RNF8: variants seen among roughly 807,000 people sequenced by gnomAD.
The protein encoded by RNF8 is E3 ubiquitin-protein ligase RNF8.
A neutral mutation model predicts 59.3 loss-of-function variants in RNF8; 8 were observed. The observed-to-expected ratio is 0.13, with a 90% confidence interval of 0.08 to 0.24. The LOEUF is 0.24. Among genes scored for constraint, RNF8 ranks in the 10% least tolerant of loss-of-function variants. The probability of loss-of-function intolerance (pLI) is 1.00; values close to 1 mark genes in which losing one functional copy is unlikely to be tolerated. For missense variants in RNF8, 406 were observed against 572.6 expected, an observed-to-expected ratio of 0.71 and a Z score of 2.97; for synonymous variants, 162 against 200.0, an observed-to-expected ratio of 0.81 and a Z score of 1.60.
intron 7 of RNF8, among the ~76,000 whole-genome samples, chr6:37,387,015 A>T (rs1180117665): frequency 6.6e-6 from 1 of 152,186 alleles, no homozygotes; most frequent in Admixed American, 6.5e-5. Flanking sequence ...GCAAATATAG[A>T]GTAGCGTCAT....
At chr6:37,374,058 G>A (rs1769914271) in intron 4 of RNF8, among the ~76,000 whole-genome samples, 1 of 152,138 alleles carries the variant, frequency 6.6e-6, no homozygotes, top group Non-Finnish European at 1.5e-5. Flanking sequence ...ACACTGGCAG[G>A]GTTCAGGCAG....
intron 2 of RNF8, among the ~76,000 whole-genome samples, chr6:37,364,862 C>T (rs373360282): frequency 3.9e-5 from 6 of 152,148 alleles, no homozygotes; most frequent in African/African-American, 7.2e-5. Flanking sequence ...CTCTGCCTCC[C>T]GGGTTCAAGT....
intron 2 of RNF8, among the ~76,000 whole-genome samples, chr6:37,364,405 G>C (rs1398017410): frequency 6.6e-6 from 1 of 152,074 alleles, no homozygotes; most frequent in Admixed American, 6.5e-5. Flanking sequence ...CCTTATGGTA[G>C]TTACACTAAG....
intron 7 of RNF8, among the ~76,000 whole-genome samples, chr6:37,389,397 A>C (rs1262650417): frequency 6.6e-6 from 1 of 151,904 alleles, no homozygotes; most frequent in Non-Finnish European, 1.5e-5. Context: ...GAAAGAATAG[A>C]TAACTTCTTC....
At position 37,381,130 on chromosome 6, in the gene RNF8, T is replaced by C. The variant is rs939082741; in HGVS notation, c.1237-20T>C. The C allele has an allele frequency of 6.3e-7, 1 of 1,599,690 alleles. No individual in the cohort carries two copies. Among genetic ancestry groups the C allele is most frequent in the Non-Finnish European group, 8.6e-7 (1 of 1,166,994 alleles). On this transcript the variant is annotated intron_variant, in intron 6 of 7. Transcript: ENST00000373479. The stretch of plus-strand genomic sequence containing the variant: ...GTAAGCATGAAAGTTCTGATATGTG[T>C]GTCCACATTCCTACTGTAGGCTGTC...
Position 37,377,052 on chromosome 6 carries a change from T to G in RNF8, c.1236+19T>G. On this transcript the variant is annotated intron_variant, in intron 6 of 7. Transcript: ENST00000373479. ...CATTGAGGTAATTATGAACAGTTGCTCACCCCTTCTTTTTTTTTTTTTTTT... is the reference window on the plus strand; with the variant it reads ...CATTGAGGTAATTATGAACAGTTGCGCACCCCTTCTTTTTTTTTTTTTTTT... 3.1e-6 allele frequency: 2 copies of G among 638,268 alleles called. No homozygotes were observed. The highest frequency in any genetic ancestry group is 5.6e-6 in the Non-Finnish European group (2 of 356,048). The allele number at this position is 638,268 out of a possible 1,614,324, so 39.5% of individuals were successfully genotyped here. A position where few individuals can be genotyped will look rare whatever the true frequency, so the allele number is the denominator to read the frequency against.
intron 4 of RNF8, among the ~76,000 whole-genome samples, chr6:37,373,544 C>T (rs188737422): frequency 2.8e-4 from 43 of 152,216 alleles, no homozygotes; most frequent in Admixed American, 2.8e-3. Flanking sequence ...GTAGCTGGAA[C>T]CATAGGCGCG....
intron 7 of RNF8, among the ~76,000 whole-genome samples, chr6:37,383,199 C>T (rs1398858081): frequency 6.6e-6 from 1 of 152,184 alleles, no homozygotes; most frequent in Non-Finnish European, 1.5e-5. Flanking sequence ...TGGCACCCAT[C>T]TTGGTTTCTG....
At chr6:37,372,793 A>T (rs1769863730) in intron 4 of RNF8, among the ~76,000 whole-genome samples, 1 of 152,180 alleles carries the variant, frequency 6.6e-6, no homozygotes, top group Non-Finnish European at 1.5e-5. Flanking sequence ...AACATGGAGA[A>T]ACCCTGTCTC....
At position 37,373,837 on chromosome 6, in the gene RNF8, G is replaced by A. The variant is rs367620863; in HGVS notation, c.1039-783G>A. Among the ~76,000 whole-genome samples the A allele has an allele frequency of 5.3e-5, 8 of 152,202 alleles. No homozygotes were observed. The South Asian group carries it at 8.3e-4, about 16-fold the overall frequency. ...AGGAGATCACACATTTTAAAATTTG[G>A]TTCTTGAATAATATCTTTTCAAAAA... On this transcript the variant is annotated intron_variant, in intron 4 of 7. Coordinates refer to ENST00000373479, the MANE Select transcript of RNF8 (RefSeq NM_003958.4).
rs1477346381 is a variant in RNF8 at position 37,391,808 on chromosome 6, AC to A, written c.*1051del. ...GCTGGGACTACAGGCATATGCCATC[AC>A]ACCCAGCTAATTTTTGTTTTTCTGT... is the stretch of plus-strand genomic sequence containing the variant. On this transcript the variant is annotated 3_prime_UTR_variant, in exon 8 of 8. Transcript: ENST00000373479. 1 of 152,236 alleles carries A rather than the reference AC, an allele frequency of 6.6e-6. No individual in the cohort carries two copies. Among genetic ancestry groups the A allele is most frequent in the Non-Finnish European group, 1.5e-5 (1 of 68,092 alleles). The allele number at this position is 152,236 out of a possible 1,614,324, so 9.4% of individuals were successfully genotyped here. A position where few individuals can be genotyped will look rare whatever the true frequency, so the allele number is the denominator to read the frequency against.
intron 7 of RNF8, among the ~76,000 whole-genome samples, chr6:37,385,650 A>G (rs1382082734): frequency 6.6e-6 from 1 of 152,084 alleles, no homozygotes. Flanking sequence ...AGAAGAAAAG[A>G]AAAAGTATGC....
At chr6:37,386,705 C>T (rs566435086) in intron 7 of RNF8, among the ~76,000 whole-genome samples, 5 of 152,164 alleles carry the variant, frequency 3.3e-5, no homozygotes, top group Admixed American at 2.0e-4. Context: ...GGGATCCCAT[C>T]GCTGCTGGAG....
At chr6:37,363,039 G>A (rs1162411842) in intron 2 of RNF8, among the ~76,000 whole-genome samples, 1 of 152,190 alleles carries the variant, frequency 6.6e-6, no homozygotes, top group African/African-American at 2.4e-5. Flanking sequence ...AGTATGAAAT[G>A]CCTTAGAGGT....
intron 7 of RNF8, among the ~76,000 whole-genome samples, chr6:37,384,298 G>A (rs946850313): frequency 1.3e-5 from 2 of 151,998 alleles, no homozygotes; most frequent in African/African-American, 4.8e-5. Context: ...ATGCCACCAC[G>A]CCCAGCTCAT....
chr6:37,361,521 C>T (rs1411057669), intron 2 of RNF8: 5 of 356,592 alleles, frequency 1.4e-5, no homozygotes, highest in Non-Finnish European at 2.2e-5. Flanking sequence ...TGCAGATATA[C>T]AAGCACCGAG....
chr6:37,388,365 A>G (rs1182406457), intron 7 of RNF8, among the ~76,000 whole-genome samples: 1 of 152,172 alleles, frequency 6.6e-6, no homozygotes. Flanking sequence ...TTTCAACTGG[A>G]AAGTTTAAGG....
At chr6:37,376,857 C>A in intron 5 of RNF8, 69 bp from the exon 6 acceptor site, 3 of 930,530 alleles carry the variant, frequency 3.2e-6, no homozygotes, top group Non-Finnish European at 5.4e-6. Flanking sequence ...AATAATTGAC[C>A]CTGCTCCCTG....
At chr6:37,372,203 T>A (rs1581681691) in intron 4 of RNF8, among the ~76,000 whole-genome samples, 1 of 152,384 alleles carries the variant, frequency 6.6e-6, no homozygotes, top group East Asian at 1.9e-4. Flanking sequence ...TTATGTATTA[T>A]GATTAGTAGT....
Sources: gnomAD v4.1 joint callset for allele counts (sites outside exome capture counted in the v4.1 genomes callset) on GRCh38, gnomAD v4.1.1 for gene constraint, MANE v1.5 for transcripts, NCBI Gene and HGNC (gene_info 2026-07-23, HGNC 2026-07-21) for gene names.